The following SEC16B variants were observed in gnomAD, a reference collection of about 807,000 sequenced individuals.
SEC16B encodes SEC16 homolog B, endoplasmic reticulum export factor.
SEC16B carries 115 observed loss-of-function variants against 141.8 expected under a neutral mutation model. That is an observed-to-expected ratio of 0.81 (90% CI 0.70 to 0.95). The LOEUF is 0.95. SEC16B is among the 40% of genes least tolerant of loss of function. The pLI is 0.00. For missense variants in SEC16B, 1,291 were observed against 1,312.3 expected (o/e 0.98, Z 0.25); for synonymous variants, 493 against 492.5 (o/e 1.00, Z -0.01).
chr1:177,933,617 GGT>G lies in SEC16B; in HGVS notation c.2589_2590del (p.Arg863SerfsTer6). The G allele has an allele frequency of 1.9e-6, 3 of 1,613,914 alleles. No homozygotes were observed. Among genetic ancestry groups the G allele is most frequent in the Non-Finnish European group, 2.5e-6 (3 of 1,179,834 alleles). On this transcript the variant is annotated frameshift_variant, in exon 21 of 26. Transcript: ENST00000308284. LOFTEE classifies it high-confidence loss of function. ...GGCGGAACTCTCAGAAATACTTCGT[GGT>G]CTAGCAGCCAATGGTGTCTGGAATT...
At chr1:177,948,008 C>A in intron 12 of SEC16B, 66 bp from the exon 13 acceptor site, 1 of 1,248,416 alleles carries the variant, frequency 8.0e-7, no homozygotes. Context: ...ATAAAGAAGG[C>A]TGTTGTCTAT....
rs992688833 is a variant in SEC16B, at chr1:177,981,766, G to C, written c.-59+2440C>G. On this transcript the variant is annotated intron_variant and NMD_transcript_variant, in intron 1 of 24. Transcript: ENST00000528461. ...CCATGGTGAGTTGAGGTGCCTGCAG[G>C]ACAATGTACTGGAGGTGTCTTAGGC... Among the ~76,000 whole-genome samples the C allele has an allele frequency of 2.0e-5, 3 of 152,254 alleles. No homozygotes were observed. The South Asian group carries it at 6.2e-4, about 32-fold the overall frequency.
intron 24 of SEC16B, among the ~76,000 whole-genome samples, chr1:177,930,980 T>G (rs1650371766): frequency 6.6e-6 from 1 of 152,206 alleles, no homozygotes; most frequent in African/African-American, 2.4e-5. Flanking sequence ...CTGGTGGGAA[T>G]GTAAATTAGT....
At position 177,929,775 on chromosome 1, in the gene SEC16B, G is replaced by T; in HGVS notation, c.*83C>A. 6.8e-7 allele frequency: 1 copy of T among 1,478,016 alleles called. No homozygotes were observed. Among genetic ancestry groups the T allele is most frequent in the Non-Finnish European group, 9.3e-7 (1 of 1,071,920 alleles). The allele number at this position is 1,478,016 out of a possible 1,614,324, so 91.6% of individuals were successfully genotyped here. A position where few individuals can be genotyped will look rare whatever the true frequency, so the allele number is the denominator to read the frequency against. On this transcript the variant is annotated 3_prime_UTR_variant, in exon 26 of 26. Transcript: ENST00000308284. ...ACAAACCTCTTGAGGGTCCCAATAT[G>T]GTAGAGAGGGGCTGGGAGATTGAGA...
At chr1:177,964,591 A>G (rs1341073899) in intron 4 of SEC16B, among the ~76,000 whole-genome samples, 4 of 152,166 alleles carry the variant, frequency 2.6e-5, no homozygotes, top group Non-Finnish European at 4.4e-5. Flanking sequence ...CACAGCTGCA[A>G]GCACCAGGAC....
chr1:177,982,271 G>T (rs1488336111), intron 1 of SEC16B, among the ~76,000 whole-genome samples: 2 of 152,190 alleles, frequency 1.3e-5, no homozygotes, highest in Admixed American at 6.5e-5. Flanking sequence ...TATAAAATGG[G>T]AGAGACTTAA....
chr1:177,977,994 A>G (rs1654244456), intron 1 of SEC16B, among the ~76,000 whole-genome samples: 1 of 152,212 alleles, frequency 6.6e-6, no homozygotes, highest in African/African-American at 2.4e-5. Context: ...GTGGGTTTTC[A>G]ATAAATCTTT....
chr1:177,936,153 A>C (rs917729228), intron 20 of SEC16B, 145 bp downstream of exon 20: 1 of 669,126 alleles, frequency 1.5e-6, no homozygotes, highest in Non-Finnish European at 2.7e-6. Flanking sequence ...AGGAGTTGGA[A>C]TAGGAAAAGG....
intron 10 of SEC16B, among the ~76,000 whole-genome samples, chr1:177,956,814 A>C (rs1346233247): frequency 6.6e-6 from 1 of 152,194 alleles, no homozygotes; most frequent in Non-Finnish European, 1.5e-5. Context: ...CATATTCAAT[A>C]AATTATATGA....
intron 17 of SEC16B, 37 bp from the exon 18 acceptor site, chr1:177,939,814 C>A (rs1651143063): frequency 2.1e-6 from 3 of 1,448,990 alleles, no homozygotes; most frequent in East Asian, 2.5e-5. Context: ...TTAAGCAGCA[C>A]AAAGGAAAAA....
chr1:177,967,617 G>A, intron 2 of SEC16B, 66 bp downstream of exon 2: 2 of 1,414,944 alleles, frequency 1.4e-6, no homozygotes, highest in Non-Finnish European at 1.9e-6. Flanking sequence ...AAAGGAAGAA[G>A]GAAAAGAACA....
At chr1:177,984,136 T>C in intron 1 of SEC16B, 1 of 152,224 alleles carries the variant, frequency 6.6e-6, no homozygotes, top group East Asian at 1.9e-4. Flanking sequence ...GAGAACTGTA[T>C]TCCCTCTTAG....
At chr1:177,962,091 T>C (rs1006517821) in intron 5 of SEC16B, among the ~76,000 whole-genome samples, 1 of 152,106 alleles carries the variant, frequency 6.6e-6, no homozygotes, top group Non-Finnish European at 1.5e-5. Flanking sequence ...ATTTTCTTTT[T>C]TGAGACAGAG....
upstream of SEC16B, among the ~76,000 whole-genome samples, chr1:177,974,665 A>G (rs987890655): frequency 6.6e-6 from 1 of 152,210 alleles, no homozygotes; most frequent in Admixed American, 6.5e-5. Flanking sequence ...CATAGAAATC[A>G]CTTCTACAGC....
In SEC16B at chr1:177,968,307, T is replaced by C. The variant is rs1419155258; in HGVS notation, c.-58-268A>G. Among the ~76,000 whole-genome samples, 3 of 152,320 alleles carry C rather than the reference T, an allele frequency of 2.0e-5. No individual in the cohort carries two copies. In the East Asian group the frequency reaches 5.8e-4, roughly 29 times the overall value. The stretch of plus-strand genomic sequence containing the variant: ...GGGAGGCAAGGGAGACAGATAACAA[T>C]AATAGGTACAGCTAAAAATGCTATC... On this transcript the variant is annotated intron_variant, in intron 1 of 25. Coordinates refer to ENST00000308284, the MANE Select transcript of SEC16B (RefSeq NM_033127.4).
In SEC16B at chr1:177,942,049, A is replaced by G; in HGVS notation, c.1882-9T>C. On this transcript the variant is annotated splice_polypyrimidine_tract_variant and intron_variant, in intron 15 of 25. Coordinates refer to ENST00000308284, the MANE Select transcript of SEC16B (RefSeq NM_033127.4). ...TAAAGGAGCTTATACACCTGTGAAG[A>G]GAAAAGAGTCAGTGACTAGTCCATC... The G allele has an allele frequency of 6.2e-7, 1 of 1,609,560 alleles. No homozygotes were observed. The highest frequency in any genetic ancestry group is 8.5e-7 in the Non-Finnish European group (1 of 1,177,620).
chr1:177,967,978 C>T lies in SEC16B; in HGVS notation c.4G>A (p.Glu2Lys). Reference protein sequence around the residue: MELWAPQRLPQT... With the variant: MKLWAPQRLPQT... The stretch of plus-strand genomic sequence containing the variant: ...GGCAGCCTCTGGGGAGCCCAAAGTT[C>T]CATCCTTGACTCTCTGAATTTGTCC... Residue 2 changes from glutamate (E) to lysine (K), a missense_variant, in exon 2 of 26, where the codon GAA becomes AAA. Glu to Lys is a moderately conservative substitution (Grantham distance 56). Transcript: ENST00000308284. 1 of 1,594,534 alleles carries T rather than the reference C, an allele frequency of 6.3e-7. No individual in the cohort carries two copies. Among genetic ancestry groups the T allele is most frequent in the Admixed American group, 1.7e-5 (1 of 58,944 alleles).
chr1:177,968,796 G>A (rs993519993), intron 1 of SEC16B, among the ~76,000 whole-genome samples: 3 of 152,244 alleles, frequency 2.0e-5, no homozygotes, highest in Middle Eastern at 3.4e-3. Flanking sequence ...TCCTCCAGAG[G>A]AGCCAACAAG....
At chr1:177,962,581 C>T (rs914570090) in intron 5 of SEC16B, among the ~76,000 whole-genome samples, 2 of 150,868 alleles carry the variant, frequency 1.3e-5, no homozygotes, top group African/African-American at 4.9e-5. Context: ...TACAAAAAAA[C>T]AAAACATAAA....
Sources: allele counts gnomAD v4.1 joint callset (sites outside exome capture counted in the v4.1 genomes callset), GRCh38; gene constraint gnomAD v4.1.1; transcripts MANE v1.5; gene names NCBI Gene and HGNC (gene_info 2026-07-23, HGNC 2026-07-21).